SLC9A4: variants seen among roughly 807,000 people sequenced by gnomAD.
The protein encoded by SLC9A4 is solute carrier family 9 member A4.
In SLC9A4, 63 loss-of-function variants were observed where a neutral mutation model predicts 67.4. The observed-to-expected ratio is 0.93, with a 90% CI of 0.76 to 1.15. The LOEUF is 1.15. SLC9A4 is among the 50% of genes most tolerant of loss of function. SLC9A4 has a pLI of 0.00. For synonymous variants in SLC9A4, 393 were observed against 367.2 expected (o/e 1.07, Z -0.80); for missense variants, 1,089 against 987.7 (o/e 1.10, Z -1.38).
At chr2:102,505,128 G>A (rs1325088769) in intron 3 of SLC9A4, 126 bp from the exon 4 acceptor site, 2 of 798,748 alleles carry the variant, frequency 2.5e-6, no homozygotes, top group African/African-American at 1.7e-5. Flanking sequence ...AGCCACAGAA[G>A]GGAATAAGGG....
At chr2:102,490,517 AC>A (rs1235200369) in intron 2 of SLC9A4, among the ~76,000 whole-genome samples, 1 of 152,094 alleles carries the variant, frequency 6.6e-6, no homozygotes, top group Non-Finnish European at 1.5e-5. Context: ...TTAAGGCCCC[AC>A]CCTTATGATC....
chr2:102,475,348 T>C (rs1286657007), intron 1 of SLC9A4, among the ~76,000 whole-genome samples: 1 of 152,210 alleles, frequency 6.6e-6, no homozygotes. Flanking sequence ...TGCTCCCCAT[T>C]CCACAACCTG....
chr2:102,482,605 G>C (rs963191626), intron 2 of SLC9A4, among the ~76,000 whole-genome samples: 4 of 152,016 alleles, frequency 2.6e-5, no homozygotes, highest in East Asian at 1.9e-4. Flanking sequence ...CCATTTCCTA[G>C]TTCATCTCCC....
intron 2 of SLC9A4, among the ~76,000 whole-genome samples, chr2:102,500,533 T>A (rs917189989): frequency 3.3e-5 from 5 of 152,128 alleles, no homozygotes; most frequent in African/African-American, 1.2e-4. Flanking sequence ...AACCTCCTCG[T>A]GTGGCCTCCC....
intron 4 of SLC9A4, 146 bp from the exon 5 acceptor site, chr2:102,507,933 A>G: frequency 2.8e-6 from 2 of 708,876 alleles, no homozygotes; most frequent in East Asian, 2.6e-5. Flanking sequence ...CATAAAAGAT[A>G]CTCTACCTGG....
At chr2:102,500,578 A>C (rs528896444) in intron 2 of SLC9A4, among the ~76,000 whole-genome samples, 143 of 152,286 alleles carry the variant, frequency 9.4e-4, no homozygotes, top group African/African-American at 3.2e-3. Flanking sequence ...GAAACTTCCT[A>C]GATGAGGACT....
chr2:102,502,229 A>C (rs967954868), intron 2 of SLC9A4, among the ~76,000 whole-genome samples: 4 of 152,130 alleles, frequency 2.6e-5, no homozygotes, highest in Admixed American at 6.5e-5. Flanking sequence ...GCTTTTCAGG[A>C]CCTAGATCAT....
intron 2 of SLC9A4, among the ~76,000 whole-genome samples, chr2:102,493,135 C>A (rs1038198599): frequency 6.6e-6 from 1 of 152,186 alleles, no homozygotes; most frequent in Admixed American, 6.5e-5. Context: ...TTTCACACAC[C>A]TTCCTGTCTT....
intron 2 of SLC9A4, among the ~76,000 whole-genome samples, chr2:102,502,006 G>T (rs142927840): frequency 1.3e-5 from 2 of 152,204 alleles, no homozygotes; most frequent in African/African-American, 2.4e-5. Context: ...TCTGCAGCAC[G>T]CAGAATACCA....
intron 2 of SLC9A4, among the ~76,000 whole-genome samples, chr2:102,483,539 G>A (rs1205402662): frequency 1.3e-5 from 2 of 152,066 alleles, no homozygotes; most frequent in Non-Finnish European, 2.9e-5. Flanking sequence ...CCAAAGAGAA[G>A]GGGTTGCTCC....
chr2:102,530,547 A>T (rs1160719153), intron 11 of SLC9A4, among the ~76,000 whole-genome samples: 1 of 152,184 alleles, frequency 6.6e-6, no homozygotes, highest in Non-Finnish European at 1.5e-5. Flanking sequence ...CTTGGAGTCC[A>T]CTGTAAAATA....
intron 2 of SLC9A4, among the ~76,000 whole-genome samples, chr2:102,484,420 G>A (rs1220836158): frequency 6.6e-6 from 1 of 152,182 alleles, no homozygotes; most frequent in Admixed American, 6.5e-5. Flanking sequence ...TTCTGATCCT[G>A]TTGTGCCTCC....
chr2:102,478,854 A>G lies in SLC9A4; in HGVS notation c.272A>G (p.His91Arg), dbSNP rs1023104121. Residue 91 changes from histidine (H) to arginine (R), a missense_variant, in exon 2 of 12, where the codon CAC becomes CGC. Coordinates refer to ENST00000295269, the MANE Select transcript of SLC9A4 (RefSeq NM_001011552.4). Reference protein sequence around the residue: ...SLAKIGFHLYHRLPGLMPESC... With the variant: ...SLAKIGFHLYRRLPGLMPESC... ...TGTTCTGCAGGCTTCCACCTCTACC[A>G]CAGGCTGCCAGGCCTCATGCCAGAA... 2 of 1,613,824 alleles carry G rather than the reference A, an allele frequency of 1.2e-6. No homozygotes were observed. Among genetic ancestry groups the G allele is most frequent in the Non-Finnish European group, 1.7e-6 (2 of 1,179,948 alleles).
chr2:102,508,078 G>A lies in SLC9A4; in HGVS notation c.1199-1G>A. 1.2e-6 allele frequency: 2 copies of A among 1,613,966 alleles called. No individual in the cohort carries two copies. The highest frequency in any genetic ancestry group is 1.7e-6 in the Non-Finnish European group (2 of 1,179,894). The stretch of plus-strand genomic sequence containing the variant: ...TCTAATACACGTTTCCCCCTTTCTA[G>A]GCGTATTTGCTCTCTTCTATATCAG... On this transcript the variant is annotated splice_acceptor_variant, in intron 4 of 11. Coordinates refer to ENST00000295269, the MANE Select transcript of SLC9A4 (RefSeq NM_001011552.4). LOFTEE classifies it high-confidence loss of function.
At position 102,532,652 on chromosome 2, in the gene SLC9A4, T is replaced by C. The variant is rs756080646; in HGVS notation, c.2361T>C (p.His787=). 3.7e-6 allele frequency: 6 copies of C among 1,613,984 alleles called. No homozygotes were observed. The highest frequency in any genetic ancestry group is 1.3e-5 in the African/African-American group (1 of 75,040). ...WTADHGHGRD[H]HRSHSPLLQK... The stretch of plus-strand genomic sequence containing the variant: ...CTGACCATGGACACGGCAGGGACCA[T>C]CACAGGTCCCATAGTCCTTTGCTCC... Residue 787 remains histidine, a synonymous_variant, in exon 12 of 12, where the codon CAT becomes CAC. Coordinates refer to ENST00000295269, the MANE Select transcript of SLC9A4 (RefSeq NM_001011552.4).
intron 2 of SLC9A4, among the ~76,000 whole-genome samples, chr2:102,492,038 A>G (rs546678388): frequency 2.6e-5 from 4 of 152,354 alleles, no homozygotes; most frequent in Non-Finnish European, 5.9e-5. Flanking sequence ...CTTTGATTCC[A>G]TGTCTCACAT....
At chr2:102,479,774 A>G (rs1273153388) in intron 2 of SLC9A4, among the ~76,000 whole-genome samples, 1 of 152,230 alleles carries the variant, frequency 6.6e-6, no homozygotes, top group Non-Finnish European at 1.5e-5. Flanking sequence ...GGAAGAGATG[A>G]CAACAGATTT....
At chr2:102,508,803 T>C (rs1208566464) in intron 5 of SLC9A4, 44 bp from the exon 6 acceptor site, 2 of 1,495,466 alleles carry the variant, frequency 1.3e-6, no homozygotes, top group Non-Finnish European at 9.2e-7. Context: ...CTAGTGACAG[T>C]CTTCATTACA....
At chr2:102,515,327 G>A (rs1300637866) in intron 8 of SLC9A4, among the ~76,000 whole-genome samples, 3 of 151,012 alleles carry the variant, frequency 2.0e-5, no homozygotes, top group Non-Finnish European at 4.4e-5. Flanking sequence ...AAACACCCTT[G>A]CATTTCTTAC....
Sources: allele counts gnomAD v4.1 joint callset (sites outside exome capture counted in the v4.1 genomes callset), GRCh38; gene constraint gnomAD v4.1.1; transcripts MANE v1.5; gene names NCBI Gene and HGNC (gene_info 2026-07-23, HGNC 2026-07-21).